FAM216B: variants seen among roughly 807,000 people sequenced by gnomAD.
The protein encoded by FAM216B is family with sequence similarity 216 member B.
Under a neutral mutation model 12.9 loss-of-function variants are expected in FAM216B, and 11 were observed. The observed-to-expected ratio is 0.86, with a 90% CI of 0.54 to 1.42. FAM216B has a LOEUF of 1.42. Ranked by LOEUF, FAM216B falls within the 40% of genes most tolerant of loss-of-function variation. FAM216B has a pLI of 0.00. For missense variants in FAM216B, 167 were observed against 162.9 expected (o/e 1.02, Z -0.14); for synonymous variants, 52 against 57.2 (o/e 0.91, Z 0.41).
chr13:42,784,020 G>T (rs991399419), intron 1 of FAM216B, 34 bp from the exon 2 acceptor site: 1 of 1,471,950 alleles, frequency 6.8e-7, no homozygotes, highest in Non-Finnish European at 9.2e-7. Flanking sequence ...TGAGCTAAAA[G>T]AAATTTTATG....
At position 42,781,665 on chromosome 13, in the gene FAM216B, G is replaced by A. The variant is rs137976253; in HGVS notation, c.-15+1G>A. ...AAAAGTGGGGGAACTACAGTATAGG[G>A]TAAGTTCTTTTTAGGCAAATCTGTC... is the stretch of plus-strand genomic sequence containing the variant. On this transcript the variant is annotated splice_donor_variant, in intron 1 of 3. Transcript: ENST00000313851. LOFTEE classifies it low-confidence loss of function (5UTR_SPLICE). The A allele has an allele frequency of 1.6e-3, 251 of 152,302 alleles. 1 individual carries two copies. Among genetic ancestry groups the A allele is most frequent in the African/African-American group, 5.8e-3 (241 of 41,576 alleles). 9.4% of individuals were successfully genotyped at this position (152,302 alleles called of 1,614,324 possible).
At position 42,781,639 on chromosome 13, in the gene FAM216B, T is replaced by A. The variant is rs954861079; in HGVS notation, c.-40T>A. ...TACACTGAATAGGAATGGCAGCTTT[T>A]AAAAGTGGGGGAACTACAGTATAGG... On this transcript the variant is annotated 5_prime_UTR_variant, in exon 1 of 4. Coordinates refer to ENST00000313851, the MANE Select transcript of FAM216B (RefSeq NM_001318932.2). 6.6e-6 allele frequency: 1 copy of A among 152,236 alleles called. No homozygotes were observed. The highest frequency in any genetic ancestry group is 1.5e-5 in the Non-Finnish European group (1 of 68,050). The allele number at this position is 152,236 out of a possible 1,614,324, so 9.4% of individuals were successfully genotyped here.
intron 1 of FAM216B, among the ~76,000 whole-genome samples, chr13:42,782,889 C>T (rs561583384): frequency 1.7e-4 from 26 of 151,062 alleles, no homozygotes; most frequent in Middle Eastern, 3.4e-3. Context: ...GCATACTACA[C>T]TGCCACTAAA....
chr13:42,786,190 C>T (rs1157724727), intron 2 of FAM216B, among the ~76,000 whole-genome samples: 2 of 152,108 alleles, frequency 1.3e-5, no homozygotes, highest in Non-Finnish European at 2.9e-5. Context: ...TTGTGTATGC[C>T]GTTTGAGAAC....
chr13:42,784,172 G>GTTTTTTTTTT lies in FAM216B; in HGVS notation c.99+6_99+7insTTTTTTTTTT. 2.5e-6 allele frequency: 2 copies of GTTTTTTTTTT among 808,996 alleles called. No homozygotes were observed. Among genetic ancestry groups the GTTTTTTTTTT allele is most frequent in the African/African-American group, 4.5e-5 (1 of 22,314 alleles). The allele number at this position is 808,996 out of a possible 1,614,324, so 50.1% of individuals were successfully genotyped here. A position where few individuals can be genotyped will look rare whatever the true frequency, so the allele number is the denominator to read the frequency against. On this transcript the variant is annotated splice_region_variant and intron_variant, in intron 2 of 3. Coordinates refer to ENST00000313851, the MANE Select transcript of FAM216B (RefSeq NM_001318932.2). ...ATGACACTTCCTTACTAAAGGTATGGCTTTTTTTTTTTTTTTTTTTTCACA... is the reference window on the plus strand; with the variant it reads ...ATGACACTTCCTTACTAAAGGTATGGTTTTTTTTTTCTTTTTTTTTTTTTTTTTTTTCACA...
At chr13:42,786,611 T>C (rs1874097985) in intron 2 of FAM216B, 152 bp from the exon 3 acceptor site, 1 of 933,570 alleles carries the variant, frequency 1.1e-6, no homozygotes, top group South Asian at 2.0e-5. Context: ...AACTCCCCAG[T>C]TGTTATTTTC....
rs2138039158 is a variant in FAM216B, at chr13:42,790,283, G to GA, written c.*1493_*1494insA. The GA allele has an allele frequency of 6.6e-6, 1 of 151,804 alleles. No homozygotes were observed. Among genetic ancestry groups the GA allele is most frequent in the Non-Finnish European group, 1.5e-5 (1 of 67,960 alleles). The allele number at this position is 151,804 out of a possible 1,614,324, so 9.4% of individuals were successfully genotyped here. A position where few individuals can be genotyped will look rare whatever the true frequency, so the allele number is the denominator to read the frequency against. On this transcript the variant is annotated 3_prime_UTR_variant, in exon 4 of 4. Coordinates refer to ENST00000313851, the MANE Select transcript of FAM216B (RefSeq NM_001318932.2). ...AGCCTTCCCATTGTTTTCACAATGG[G>GA]CCTTTTATCCCCTCTGAACTGCTTG...
intron 2 of FAM216B, among the ~76,000 whole-genome samples, chr13:42,784,754 A>C (rs1242321605): frequency 6.6e-6 from 1 of 151,082 alleles, no homozygotes; most frequent in Non-Finnish European, 1.5e-5. Flanking sequence ...GAATGGCGTG[A>C]ACTCGGGAGG....
rs1230125410 is a variant in FAM216B at position 42,789,036 on chromosome 13, TA to T, written c.*250del. ...AAAAGGACTTTTAAAGCTTTCAAAGTAAAAGTTTACTTTGGATTAGAACCTC... is the reference window on the plus strand; with the variant it reads ...AAAAGGACTTTTAAAGCTTTCAAAGTAAAGTTTACTTTGGATTAGAACCTC... On this transcript the variant is annotated 3_prime_UTR_variant, in exon 4 of 4. Transcript: ENST00000313851. The T allele has an allele frequency of 3.4e-5, 11 of 322,018 alleles. No homozygotes were observed. Among genetic ancestry groups the T allele is most frequent in the Non-Finnish European group, 6.3e-5 (11 of 174,456 alleles). 19.9% of individuals were successfully genotyped at this position (322,018 alleles called of 1,614,324 possible).
In FAM216B at chr13:42,787,001, T is replaced by A. The variant is rs1874118433; in HGVS notation, c.220+118T>A. Reference sequence around the variant, plus strand: ...TGGCATCTACTGGCGTGCTATTTTATCAACATAGCTGGTTAGCCAAGTTTC... The same window carrying A: ...TGGCATCTACTGGCGTGCTATTTTAACAACATAGCTGGTTAGCCAAGTTTC... On this transcript the variant is annotated intron_variant, in intron 3 of 3. Coordinates refer to ENST00000313851, the MANE Select transcript of FAM216B (RefSeq NM_001318932.2). The A allele has an allele frequency of 3.4e-6, 5 of 1,454,248 alleles. No homozygotes were observed. The South Asian group carries it at 4.1e-5, about 12-fold the overall frequency. The allele number at this position is 1,454,248 out of a possible 1,614,324, so 90.1% of individuals were successfully genotyped here.
rs1874108837 is a variant in FAM216B, at chr13:42,786,800, TTA to T, written c.139_140del (p.Met47GlufsTer42). 6.2e-7 allele frequency: 1 copy of T among 1,614,022 alleles called. No individual in the cohort carries two copies. The highest frequency in any genetic ancestry group is 8.5e-7 in the Non-Finnish European group (1 of 1,179,944). Reference sequence around the variant, plus strand: ...GGGCAACAGCGCTACTTTTACAGCATTATGAGGATTTACAACTCCAGGCCCCA... The same window carrying T: ...GGGCAACAGCGCTACTTTTACAGCATTGAGGATTTACAACTCCAGGCCCCA... On this transcript the variant is annotated frameshift_variant, in exon 3 of 4. Transcript: ENST00000313851. LOFTEE classifies it high-confidence loss of function.
rs1437995706 is a variant in FAM216B, at chr13:42,788,636, G to C, written c.266G>C (p.Arg89Thr). Residue 89 changes from arginine to threonine, a missense_variant, in exon 4 of 4, where the codon AGA (arginine) becomes ACA (threonine). Transcript: ENST00000313851. ...REALSYALVL[R>T]DSTKRASAKV... is the part of the protein sequence containing the mutation. ...GCCTTGTCTTATGCTCTTGTACTTAGAGATTCAACCAAGAGAGCCTCAGCC... is the reference window on the plus strand; with the variant it reads ...GCCTTGTCTTATGCTCTTGTACTTACAGATTCAACCAAGAGAGCCTCAGCC... 1.2e-6 allele frequency: 2 copies of C among 1,613,762 alleles called. No homozygotes were observed. The highest frequency in any genetic ancestry group is 1.7e-6 in the Non-Finnish European group (2 of 1,179,882).
intron 2 of FAM216B, 100 bp downstream of exon 2, chr13:42,784,266 A>G: frequency 1.3e-6 from 1 of 794,556 alleles, no homozygotes; most frequent in Non-Finnish European, 1.9e-6. Context: ...TTTACCTAGC[A>G]TTAAGAAGAA....
In FAM216B at chr13:42,784,161, C is replaced by T; in HGVS notation, c.94C>T (p.Leu32=). Residue 32 remains leucine, a synonymous_variant, in exon 2 of 4, where the codon CTA becomes TTA. Coordinates refer to ENST00000313851, the MANE Select transcript of FAM216B (RefSeq NM_001318932.2). ...VPPSIYDTSL[L]KALNQGQQRY... ...TCCCTCCATCTATGACACTTCCTTA[C>T]TAAAGGTATGGCTTTTTTTTTTTTT... 3.3e-6 allele frequency: 3 copies of T among 901,874 alleles called. No individual in the cohort carries two copies. Among genetic ancestry groups the T allele is most frequent in the South Asian group, 1.4e-5 (1 of 69,982 alleles). The allele number at this position is 901,874 out of a possible 1,614,324, so 55.9% of individuals were successfully genotyped here. A position where few individuals can be genotyped will look rare whatever the true frequency, so the allele number is the denominator to read the frequency against.
intron 2 of FAM216B, among the ~76,000 whole-genome samples, chr13:42,785,484 C>T (rs1014504031): frequency 6.6e-6 from 1 of 152,130 alleles, no homozygotes; most frequent in South Asian, 2.1e-4. Flanking sequence ...CTTACTTTAT[C>T]TTAATTTTTC....
rs575117236 is a variant in FAM216B at position 42,784,757 on chromosome 13, T to G, written c.99+591T>G. ...GCTGAGGCAGGAGAATGGCGTGAAC[T>G]CGGGAGGCAGAGGTTGCAGTGAGCC... On this transcript the variant is annotated intron_variant, in intron 2 of 3. Transcript: ENST00000313851. Among the ~76,000 whole-genome samples the G allele has an allele frequency of 3.4e-5, 5 of 148,712 alleles. No individual in the cohort carries two copies. In the South Asian group the frequency reaches 1.1e-3, roughly 32 times the overall value.
intron 3 of FAM216B, among the ~76,000 whole-genome samples, chr13:42,787,918 T>C (rs188693093): frequency 6.6e-6 from 1 of 152,324 alleles, no homozygotes; most frequent in Non-Finnish European, 1.5e-5. Context: ...AACTAAAACA[T>C]GAACAAGTTA....
At position 42,791,016 on chromosome 13, in the gene FAM216B, C is replaced by T. The variant is rs901972430; in HGVS notation, c.*2226C>T. On this transcript the variant is annotated 3_prime_UTR_variant, in exon 4 of 4. Transcript: ENST00000313851. ...AAGGACAGGTGATGAGACAACAAGT[C>T]TATCCCGCAAAGGGCAGGGAATAGA... 9 of 152,120 alleles carry T rather than the reference C, an allele frequency of 5.9e-5. No homozygotes were observed. The highest frequency in any genetic ancestry group is 9.7e-5 in the African/African-American group (4 of 41,424). The allele number at this position is 152,120 out of a possible 1,614,324, so 9.4% of individuals were successfully genotyped here. A position where few individuals can be genotyped will look rare whatever the true frequency, so the allele number is the denominator to read the frequency against.
Position 42,786,830 on chromosome 13 carries a change from G to A in FAM216B, c.167G>A (p.Trp56Ter). The change falls in exon 3 of 4, where the codon TGG (tryptophan) becomes TAG (stop). Residue 56 changes from tryptophan to a stop codon, truncating the protein, a stop_gained. Coordinates refer to ENST00000313851, the MANE Select transcript of FAM216B (RefSeq NM_001318932.2). LOFTEE classifies it high-confidence loss of function. ...IMRIYNSRPQ[W>*]EALQTRYIHS... is the part of the protein sequence containing the mutation. ...AGGATTTACAACTCCAGGCCCCAGT[G>A]GGAGGCCCTGCAGACCCGCTACATT... The A allele has an allele frequency of 6.2e-7, 1 of 1,614,040 alleles. No individual in the cohort carries two copies. Among genetic ancestry groups the A allele is most frequent in the Admixed American group, 1.7e-5 (1 of 60,012 alleles).
Sources: gnomAD v4.1 joint callset for allele counts (sites outside exome capture counted in the v4.1 genomes callset) on GRCh38, gnomAD v4.1.1 for gene constraint, MANE v1.5 for transcripts, NCBI Gene and HGNC (gene_info 2026-07-23, HGNC 2026-07-21) for gene names.